Variants in ADCY10 observed in about 807,000 individuals in gnomAD.
ADCY10 encodes adenylate cyclase type 10.
A neutral mutation model predicts 183.3 loss-of-function variants in ADCY10; 156 were observed. That is an observed-to-expected ratio of 0.85 (90% CI 0.75 to 0.97). ADCY10 has a LOEUF of 0.97. Among genes scored for constraint, ADCY10 ranks in the 50% least tolerant of loss-of-function variants. ADCY10 has a pLI of 0.00. For missense variants in ADCY10, 1,745 were observed against 1,934.3 expected (o/e 0.90, Z 1.84); for synonymous variants, 645 against 670.0 (o/e 0.96, Z 0.58).
At chr1:167,820,342 GGCCAGAGGGGCGGGGCCA>G in intron 30 of ADCY10, 3 of 826,412 alleles carry the variant, frequency 3.6e-6, no homozygotes, top group East Asian at 3.0e-5. Context: ...GGGCGGGGCC[GGCCAGAGGGGCGGGGCCA>G]GCCCGCGCCT....
chr1:167,887,335 G>A (rs1668296913), intron 8 of ADCY10, among the ~76,000 whole-genome samples: 1 of 152,184 alleles, frequency 6.6e-6, no homozygotes, highest in African/African-American at 2.4e-5. Flanking sequence ...AGAAAATGTG[G>A]CATGTATACA....
chr1:167,834,207 C>A, intron 23 of ADCY10, 130 bp from the exon 24 acceptor site: 1 of 720,818 alleles, frequency 1.4e-6, no homozygotes, highest in South Asian at 1.5e-5. Context: ...CACTTCCATC[C>A]CCAGCTCCAC....
chr1:167,837,164 G>A (rs1664271125), intron 22 of ADCY10, 85 bp downstream of exon 22: 1 of 1,300,054 alleles, frequency 7.7e-7, no homozygotes, highest in South Asian at 1.2e-5. Context: ...CAAAAGTACT[G>A]GCCAGACAAA....
chr1:167,849,632 A>T (rs1299943475), intron 18 of ADCY10, among the ~76,000 whole-genome samples: 1 of 152,230 alleles, frequency 6.6e-6, no homozygotes, highest in Non-Finnish European at 1.5e-5. Context: ...AGCCCTCAAG[A>T]GGCTTAAAAA....
At chr1:167,903,793 T>G (rs995995074) in intron 3 of ADCY10, 94 bp downstream of exon 3, 4 of 890,590 alleles carry the variant, frequency 4.5e-6, no homozygotes. Context: ...GGAGGAGTGC[T>G]AAGCAATTGT....
intron 8 of ADCY10, among the ~76,000 whole-genome samples, chr1:167,890,160 G>T (rs1208220560): frequency 6.6e-6 from 1 of 151,988 alleles, no homozygotes; most frequent in Non-Finnish European, 1.5e-5. Context: ...GGTATTTATT[G>T]TAGTCTTTGA....
chr1:167,906,757 C>G (rs1669851500), intron 1 of ADCY10, among the ~76,000 whole-genome samples: 1 of 152,014 alleles, frequency 6.6e-6, no homozygotes, highest in African/African-American at 2.4e-5. Flanking sequence ...TCACTGCACT[C>G]TATCCTAGGT....
At position 167,880,098 on chromosome 1, in the gene ADCY10, G is replaced by A. The variant is rs763511533; in HGVS notation, c.1216+17C>T. ...TGTTTGCAGAAAGAAAGCTGGAGATGAGCTGACCCAGCACACCTGTGTACT... is the reference window on the plus strand; with the variant it reads ...TGTTTGCAGAAAGAAAGCTGGAGATAAGCTGACCCAGCACACCTGTGTACT... On this transcript the variant is annotated intron_variant, in intron 11 of 32. Transcript: ENST00000367851. 8.7e-6 allele frequency: 14 copies of A among 1,607,086 alleles called. No homozygotes were observed. Among genetic ancestry groups the A allele is most frequent in the Non-Finnish European group, 1.7e-6 (2 of 1,176,688 alleles).
At chr1:167,891,518 T>C (rs192661598) in intron 8 of ADCY10, among the ~76,000 whole-genome samples, 4,032 of 151,262 alleles carry the variant, frequency 0.027, 169 homozygotes, top group African/African-American at 0.092. Context: ...TAGCCGGGCG[T>C]GGTGGCGGGC....
At chr1:167,833,625 A>G (rs1198831034) in intron 24 of ADCY10, among the ~76,000 whole-genome samples, 1 of 152,100 alleles carries the variant, frequency 6.6e-6, no homozygotes, top group South Asian at 2.1e-4. Flanking sequence ...CATGCCTGTA[A>G]TCCCAGCTAC....
rs1461735935 is a variant in ADCY10, at chr1:167,893,922, G to A, written c.759C>T (p.Cys253=). 3.1e-6 allele frequency: 5 copies of A among 1,613,304 alleles called. No individual in the cohort carries two copies. In the Admixed American group the frequency reaches 8.3e-5, roughly 27 times the overall value. The change falls in exon 8 of 33, where the codon TGC becomes TGT. Residue 253 remains cysteine (C), a synonymous_variant. Coordinates refer to ENST00000367851, the MANE Select transcript of ADCY10 (RefSeq NM_018417.6). ...GEHKNLLRLA[C]TLKPDPELEM... is the part of the protein sequence containing the mutation. ...CCAGTTCAGGATCAGGCTTCAGCGT[G>A]CATGCAAGCCTCAGGAGGTCTAAGA... is the stretch of plus-strand genomic sequence containing the variant.
intron 21 of ADCY10, among the ~76,000 whole-genome samples, chr1:167,839,127 G>A (rs562869243): frequency 2.0e-5 from 3 of 152,192 alleles, no homozygotes; most frequent in East Asian, 3.8e-4. Context: ...TGTAGAGAAG[G>A]CAGTACCATT....
At chr1:167,839,005 C>T (rs759109672) in intron 21 of ADCY10, among the ~76,000 whole-genome samples, 5 of 152,186 alleles carry the variant, frequency 3.3e-5, no homozygotes, top group East Asian at 1.9e-4. Context: ...CTGAATTCAT[C>T]GTCTTCTGTC....
intron 18 of ADCY10, among the ~76,000 whole-genome samples, chr1:167,850,662 C>CATGTGT (rs3220456): frequency 1.1e-5 from 1 of 87,894 alleles, no homozygotes; most frequent in Non-Finnish European, 2.2e-5. Flanking sequence ...AAAAGGGGGC[C>CATGTGT]GTGTGTGTGT....
chr1:167,870,107 G>T, intron 14 of ADCY10, 150 bp downstream of exon 14: 3 of 850,464 alleles, frequency 3.5e-6, no homozygotes, highest in Non-Finnish European at 3.8e-6. Context: ...TGTGTTTATT[G>T]TTAGTTATCT....
chr1:167,891,315 C>T (rs1359463826), intron 8 of ADCY10, among the ~76,000 whole-genome samples: 1 of 151,826 alleles, frequency 6.6e-6, no homozygotes, highest in Non-Finnish European at 1.5e-5. Context: ...TGGTATATTT[C>T]ATTTAGTTCC....
At position 167,894,180 on chromosome 1, in the gene ADCY10, G is replaced by A. The variant is rs1378758532; in HGVS notation, c.740-239C>T. Among the ~76,000 whole-genome samples the A allele has an allele frequency of 2.0e-5, 3 of 152,178 alleles. No homozygotes were observed. In the South Asian group the frequency reaches 6.2e-4, roughly 31 times the overall value. On this transcript the variant is annotated intron_variant, in intron 7 of 32. Coordinates refer to ENST00000367851, the MANE Select transcript of ADCY10 (RefSeq NM_018417.6). ...TGTAGCTCAAAACCTTGTTCAAACT[G>A]ACATGACGCTTTGGGACTTAGGGAG...
chr1:167,877,650 A>G (rs1667564515), intron 12 of ADCY10, among the ~76,000 whole-genome samples: 1 of 152,186 alleles, frequency 6.6e-6, no homozygotes. Context: ...TAATTGTGAT[A>G]TAGGGCAAGG....
intron 14 of ADCY10, among the ~76,000 whole-genome samples, chr1:167,862,034 A>G (rs981452794): frequency 2.0e-4 from 31 of 152,324 alleles, no homozygotes; most frequent in African/African-American, 7.5e-4. Flanking sequence ...GAGTCAATGA[A>G]ACCTCTTTTC....
Sources: gnomAD v4.1 joint callset for allele counts (sites outside exome capture counted in the v4.1 genomes callset) on GRCh38, gnomAD v4.1.1 for gene constraint, MANE v1.5 for transcripts, NCBI Gene and HGNC (gene_info 2026-07-23, HGNC 2026-07-21) for gene names.